RNF217: variants seen among roughly 807,000 people sequenced by gnomAD.
The protein encoded by RNF217 is ring finger protein 217, also known as E3 ubiquitin-protein ligase RNF217.
In RNF217, 31 loss-of-function variants were observed where a neutral mutation model predicts 57.8. The observed-to-expected ratio is 0.54, with a 90% confidence interval of 0.40 to 0.72. The LOEUF (loss-of-function observed/expected upper bound fraction) is 0.72. RNF217 is among the 30% of genes least tolerant of loss of function. The probability of loss-of-function intolerance (pLI) is 0.00; values close to 1 mark genes in which losing one functional copy is unlikely to be tolerated. For missense variants in RNF217, 696 were observed against 708.3 expected, an observed-to-expected ratio of 0.98 and a Z score of 0.20; for synonymous variants, 313 against 294.0, an observed-to-expected ratio of 1.06 and a Z score of -0.66.
intron 1 of RNF217, among the ~76,000 whole-genome samples, chr6:125,043,191 G>A (rs1394029643): frequency 6.6e-6 from 1 of 152,034 alleles, no homozygotes; most frequent in Non-Finnish European, 1.5e-5. Context: ...TGATCTTTAA[G>A]TTCAGATGCA....
At position 125,078,400 on chromosome 6, in the gene RNF217, C is replaced by T. The variant is rs533423272; in HGVS notation, c.1483+1542C>T. 7.9e-5 allele frequency among the ~76,000 whole-genome samples: 12 copies of T among 152,086 alleles called. 1 individual carries two copies. Among genetic ancestry groups the T allele is most frequent in the African/African-American group, 9.6e-5 (4 of 41,476 alleles). On this transcript the variant is annotated intron_variant, in intron 4 of 5. Transcript: ENST00000521654. ...TAATTTGGTCGTGGCAGTGTGTTTC[C>T]GTCCATTCTTTATTTTAAATAGAGA... is the stretch of plus-strand genomic sequence containing the variant.
intron 1 of RNF217, among the ~76,000 whole-genome samples, chr6:125,040,059 A>T (rs1786811416): frequency 6.6e-6 from 1 of 152,178 alleles, no homozygotes. Context: ...AACAAATTCA[A>T]AAGCTAACAG....
At chr6:124,984,953 A>G (rs1784321067) in intron 1 of RNF217, among the ~76,000 whole-genome samples, 1 of 152,238 alleles carries the variant, frequency 6.6e-6, no homozygotes, top group African/African-American at 2.4e-5. Flanking sequence ...TAGTATATAC[A>G]AACTCATACA....
intron 1 of RNF217, among the ~76,000 whole-genome samples, chr6:124,976,270 C>CCTCCCGCT (rs1262920555): frequency 3.5e-5 from 4 of 115,934 alleles, no homozygotes; most frequent in African/African-American, 1.2e-4. Flanking sequence ...TCCCTCCCTC[C>CCTCCCGCT]CTCCCGCTCT....
chr6:125,044,051 G>A (rs1472005859), intron 1 of RNF217, among the ~76,000 whole-genome samples: 1 of 125,616 alleles, frequency 8.0e-6, no homozygotes, highest in Non-Finnish European at 1.8e-5. Flanking sequence ...AAGTTACTAT[G>A]AATTTAGTTT....
At chr6:125,023,238 G>A (rs1224154652) in intron 1 of RNF217, among the ~76,000 whole-genome samples, 1 of 152,134 alleles carries the variant, frequency 6.6e-6, no homozygotes, top group Non-Finnish European at 1.5e-5. Flanking sequence ...TATGTCCTGG[G>A]TAGAACAAAA....
intron 1 of RNF217, among the ~76,000 whole-genome samples, chr6:125,003,801 T>A (rs1785071165): frequency 6.6e-6 from 1 of 152,120 alleles, no homozygotes; most frequent in South Asian, 2.1e-4. Flanking sequence ...TCAGAGCTCA[T>A]ACCATAAGAA....
At chr6:125,017,269 T>C (rs566837337) in intron 1 of RNF217, among the ~76,000 whole-genome samples, 18 of 152,350 alleles carry the variant, frequency 1.2e-4, no homozygotes, top group African/African-American at 4.1e-4. Context: ...TTTTCTTTAT[T>C]GAACAAAAAC....
chr6:124,964,809 G>A (rs552219397), intron 1 of RNF217, among the ~76,000 whole-genome samples: 65 of 152,318 alleles, frequency 4.3e-4, no homozygotes, highest in Non-Finnish European at 7.9e-4. Flanking sequence ...GCTGCCCTGC[G>A]ATGGGATTCA....
intron 3 of RNF217, among the ~76,000 whole-genome samples, chr6:125,066,462 C>A (rs1373365280): frequency 6.6e-6 from 1 of 152,124 alleles, no homozygotes; most frequent in Non-Finnish European, 1.5e-5. Context: ...TGCAGGTATT[C>A]TCCCTTCTCA....
intron 2 of RNF217, 75 bp downstream of exon 2, chr6:125,045,519 G>A (rs1787063939): frequency 7.7e-6 from 8 of 1,039,964 alleles, no homozygotes; most frequent in Admixed American, 2.3e-5. Flanking sequence ...CTTGTCGTGG[G>A]CATTAAGGGG....
At chr6:125,065,510 AG>A (rs1327135222) in intron 3 of RNF217, among the ~76,000 whole-genome samples, 7 of 152,094 alleles carry the variant, frequency 4.6e-5, no homozygotes, top group African/African-American at 1.7e-4. Context: ...TGTGACAACT[AG>A]ACACTCCAGC....
intron 2 of RNF217, chr6:125,046,675 C>G (rs1402753284): frequency 2.2e-6 from 1 of 455,766 alleles, no homozygotes; most frequent in African/African-American, 2.0e-5. Context: ...AGTTTCTGGT[C>G]ATGTTCCCTT....
chr6:125,041,444 A>T (rs1422837717), intron 1 of RNF217, among the ~76,000 whole-genome samples: 1 of 152,098 alleles, frequency 6.6e-6, no homozygotes, highest in African/African-American at 2.4e-5. Context: ...TATAATACAG[A>T]CTTTTTACCA....
chr6:125,059,905 T>C (rs1373445325), intron 3 of RNF217, among the ~76,000 whole-genome samples: 1 of 152,188 alleles, frequency 6.6e-6, no homozygotes, highest in Non-Finnish European at 1.5e-5. Context: ...TGGACATTAT[T>C]ACATTGTAGC....
At chr6:125,019,837 G>C (rs76344600) in intron 1 of RNF217, among the ~76,000 whole-genome samples, 51 of 148,622 alleles carry the variant, frequency 3.4e-4, no homozygotes, top group African/African-American at 9.9e-4. Flanking sequence ...TTGCAGTGGG[G>C]GGGGAGTGAA....
At chr6:125,001,655 C>T (rs60220443) in intron 1 of RNF217, among the ~76,000 whole-genome samples, 2,663 of 152,246 alleles carry the variant, frequency 0.017, 75 homozygotes, top group African/African-American at 0.061. Flanking sequence ...AGTTCACACA[C>T]TTGTCTTGGT....
At chr6:125,039,900 T>G (rs1786805015) in intron 1 of RNF217, among the ~76,000 whole-genome samples, 1 of 152,080 alleles carries the variant, frequency 6.6e-6, no homozygotes, top group African/African-American at 2.4e-5. Context: ...TTGAAACCAG[T>G]AAGGACAAAG....
At chr6:125,072,882 C>A (rs1030638149) in intron 3 of RNF217, among the ~76,000 whole-genome samples, 1 of 152,120 alleles carries the variant, frequency 6.6e-6, no homozygotes, top group Non-Finnish European at 1.5e-5. Flanking sequence ...TTCTCACTCA[C>A]GAGGATTATC....
Sources: gnomAD v4.1 joint callset for allele counts (sites outside exome capture counted in the v4.1 genomes callset) on GRCh38, gnomAD v4.1.1 for gene constraint, MANE v1.5 for transcripts, NCBI Gene and HGNC (gene_info 2026-07-23, HGNC 2026-07-21) for gene names.